The following FRMPD4 variants were observed in gnomAD, a reference collection of about 807,000 sequenced individuals.
The protein encoded by FRMPD4 is FERM and PDZ domain containing 4.
In FRMPD4, 22 loss-of-function variants were observed where a neutral mutation model predicts 94.1. The observed-to-expected ratio is 0.23, with a 90% confidence interval of 0.17 to 0.33. The LOEUF (loss-of-function observed/expected upper bound fraction) is 0.33, where lower values mean the gene tolerates loss of function less well. Among genes scored for constraint, FRMPD4 ranks in the 10% least tolerant of loss-of-function variants. The pLI, the probability that FRMPD4 is intolerant of heterozygous loss-of-function variation, is 1.00. For missense variants in FRMPD4, 1,111 were observed against 1,339.9 expected, an observed-to-expected ratio of 0.83 and a Z score of 2.67; for synonymous variants, 631 against 548.6, an observed-to-expected ratio of 1.15 and a Z score of -2.10.
intron 4 of FRMPD4, among the ~76,000 whole-genome samples, chrX:12,648,614 A>T (rs1314507441): frequency 8.9e-6 from 1 of 112,517 alleles, no homozygotes; most frequent in Non-Finnish European, 1.9e-5. Context: ...AGAGAAAGTG[A>T]TAGTTACCTG....
At chrX:12,628,230 T>A (rs928048492) in intron 4 of FRMPD4, among the ~76,000 whole-genome samples, 3 of 111,924 alleles carry the variant, frequency 2.7e-5, no homozygotes, top group Non-Finnish European at 3.8e-5. Flanking sequence ...CCTATTCCAG[T>A]GTATGATCAG....
intron 3 of FRMPD4, among the ~76,000 whole-genome samples, chrX:11,884,991 G>C (rs1225834770): frequency 9.0e-6 from 1 of 111,331 alleles, no homozygotes. Flanking sequence ...CATCGAAATG[G>C]ATGCACCGAA....
At chrX:12,432,643 C>T (rs962751793) in intron 1 of FRMPD4, among the ~76,000 whole-genome samples, 7 of 112,056 alleles carry the variant, frequency 6.2e-5, no homozygotes, top group Non-Finnish European at 7.5e-5. Context: ...TCAGTAGGGA[C>T]GCCTAGAACA....
intron 1 of FRMPD4, among the ~76,000 whole-genome samples, chrX:11,859,457 C>T (rs1444043562): frequency 9.0e-6 from 1 of 111,577 alleles, no homozygotes; most frequent in Non-Finnish European, 1.9e-5. Context: ...ATAAGGTGGA[C>T]ATTTTCTAGG....
chrX:12,379,903 C>T (rs1442984663), intron 1 of FRMPD4, among the ~76,000 whole-genome samples: 4 of 108,171 alleles, frequency 3.7e-5, no homozygotes, highest in Non-Finnish European at 5.8e-5. Flanking sequence ...TAGATTGACA[C>T]GTAGATTGAA....
At chrX:12,085,971 C>T (rs949499890) in intron 3 of FRMPD4, among the ~76,000 whole-genome samples, 1 of 112,146 alleles carries the variant, frequency 8.9e-6, no homozygotes, top group African/African-American at 3.2e-5. Flanking sequence ...AAGAAAAACA[C>T]TCTTAAACCT....
chrX:12,694,993 T>C (rs145148276), intron 9 of FRMPD4, among the ~76,000 whole-genome samples: 184 of 112,286 alleles, frequency 1.6e-3, no homozygotes, highest in African/African-American at 5.8e-3. Context: ...TATATATACA[T>C]TTTTTCTAGA....
At chrX:12,348,831 G>A (rs2055755830) in intron 1 of FRMPD4, among the ~76,000 whole-genome samples, 1 of 111,681 alleles carries the variant, frequency 9.0e-6, no homozygotes, top group Non-Finnish European at 1.9e-5. Context: ...CCCTCATAAA[G>A]TAATGGGAAA....
At chrX:11,981,652 C>T (rs1216155578) in intron 3 of FRMPD4, among the ~76,000 whole-genome samples, 1 of 111,363 alleles carries the variant, frequency 9.0e-6, no homozygotes, top group Admixed American at 9.5e-5. Flanking sequence ...CAAGTACGGT[C>T]TATCATATTT....
intron 1 of FRMPD4, among the ~76,000 whole-genome samples, chrX:12,449,602 TTC>T (rs1242268144): frequency 8.9e-6 from 1 of 112,322 alleles, no homozygotes; most frequent in African/African-American, 3.2e-5. Flanking sequence ...AAGATTGTTG[TTC>T]TCTCTGTTTA....
intron 3 of FRMPD4, among the ~76,000 whole-genome samples, chrX:12,060,839 A>G (rs752071371): frequency 1.8e-5 from 2 of 112,239 alleles, no homozygotes; most frequent in African/African-American, 6.5e-5. Flanking sequence ...TGTGCTGTGT[A>G]TCTGAGTCTG....
intron 2 of FRMPD4, among the ~76,000 whole-genome samples, chrX:12,509,341 A>G (rs2058019917): frequency 8.9e-6 from 1 of 112,346 alleles, no homozygotes; most frequent in African/African-American, 3.2e-5. Flanking sequence ...TCAAATGCCC[A>G]TCAATCAACA....
intron 1 of FRMPD4, among the ~76,000 whole-genome samples, chrX:11,843,304 G>A (rs189541832): frequency 9.0e-6 from 1 of 110,997 alleles, no homozygotes; most frequent in Admixed American, 9.6e-5. Context: ...GTCTGGAAGA[G>A]TTTGTGAAGG....
intron 2 of FRMPD4, among the ~76,000 whole-genome samples, chrX:12,602,027 T>C (rs954988745): frequency 1.8e-5 from 2 of 111,610 alleles, no homozygotes; most frequent in African/African-American, 6.5e-5. Context: ...AAAAGACCTG[T>C]CTACTTTATT....
intron 3 of FRMPD4, among the ~76,000 whole-genome samples, chrX:12,053,979 T>G (rs1334015882): frequency 8.9e-6 from 1 of 111,824 alleles, no homozygotes; most frequent in Admixed American, 9.5e-5. Flanking sequence ...TAGCAAGGCC[T>G]GTCTATTCTG....
Position 12,721,054 on chromosome X carries a change from T to C in FRMPD4, c.4485T>C (p.Asn1495=), listed in dbSNP as rs1186942675. 5.3e-6 allele frequency: 4 copies of C among 753,886 alleles called. No homozygotes were observed. Among genetic ancestry groups the C allele is most frequent in the African/African-American group, 4.6e-5 (2 of 43,016 alleles). The allele number at this position is 753,886 out of a possible 1,213,427, so 62.1% of individuals were successfully genotyped here. ...CCTTGCGGAAGCTGGAGGGCAGCAA[T>C]TGGAGATGCCGGGGACCCTTCAGCT... The part of the protein sequence containing the change: ...TLPLRKLEGS[N]WRCRGPFSYC... Residue 1495 remains asparagine (N), a synonymous_variant, in exon 17 of 17, where the codon AAT becomes AAC. Transcript: ENST00000675598.
rs780795485 is a variant in FRMPD4, at chrX:12,717,142, A to T, written c.2674+9A>T. On this transcript the variant is annotated intron_variant, in intron 15 of 16. Coordinates refer to ENST00000675598, the MANE Select transcript of FRMPD4 (RefSeq NM_001368397.1). ...GACCAGTGACAATTCAGGTTCTTTC[A>T]CAATTGTTACATTCATTCACTGATA... 2 of 1,059,680 alleles carry T rather than the reference A, an allele frequency of 1.9e-6. No homozygotes were observed. Among genetic ancestry groups the T allele is most frequent in the Non-Finnish European group, 1.3e-6 (1 of 776,569 alleles). 87.3% of individuals were successfully genotyped at this position (1,059,680 alleles called of 1,213,427 possible).
intron 2 of FRMPD4, among the ~76,000 whole-genome samples, chrX:12,594,160 A>G (rs1023123268): frequency 3.6e-5 from 4 of 111,237 alleles, no homozygotes; most frequent in African/African-American, 1.3e-4. Flanking sequence ...TTGCTTTGTA[A>G]CTTTGCTTAT....
chrX:12,682,460 A>T (rs2059982279), intron 5 of FRMPD4, among the ~76,000 whole-genome samples: 1 of 112,489 alleles, frequency 8.9e-6, no homozygotes, highest in South Asian at 3.7e-4. Flanking sequence ...ACCATAGGCA[A>T]TTGCCAATAT....
Sources: allele counts gnomAD v4.1 joint callset (sites outside exome capture counted in the v4.1 genomes callset), GRCh38; gene constraint gnomAD v4.1.1; transcripts MANE v1.5; gene names NCBI Gene and HGNC (gene_info 2026-07-23, HGNC 2026-07-21).